The following MAPK10 variants were observed in gnomAD, a reference collection of about 807,000 sequenced individuals.
MAPK10 encodes the protein JNK3 alpha protein kinase.
In MAPK10, 25 loss-of-function variants were observed where a neutral mutation model predicts 59.3. The ratio of observed to expected loss-of-function variants is 0.42; its 90% CI spans 0.31 to 0.59. MAPK10 has a LOEUF of 0.59. Among genes scored for constraint, MAPK10 ranks in the 20% least tolerant of loss-of-function variants. MAPK10 has a pLI of 0.15. For missense variants in MAPK10, 351 were observed against 568.9 expected (o/e 0.62, Z 3.90); for synonymous variants, 190 against 200.5 (o/e 0.95, Z 0.44).
intron 2 of MAPK10, chr4:86,326,164 G>T (rs9994931): frequency 0.73 from 111,727 of 152,036 alleles, 41,569 homozygotes; most frequent in South Asian, 0.9. Context: ...TTAACAAGTA[G>T]AGAACATTCC....
intron 1 of MAPK10, among the ~76,000 whole-genome samples, chr4:86,401,283 A>G (rs1579075054): frequency 6.6e-6 from 1 of 152,142 alleles, no homozygotes. Flanking sequence ...ATATATTTCT[A>G]TTTCCTTTAT....
At chr4:86,213,847 G>C (rs564116062) in intron 2 of MAPK10, among the ~76,000 whole-genome samples, 2 of 151,972 alleles carry the variant, frequency 1.3e-5, no homozygotes, top group African/African-American at 4.8e-5. Context: ...TGAATAGGAG[G>C]GAACACTTAC....
intron 4 of MAPK10, among the ~76,000 whole-genome samples, chr4:86,108,084 A>C (rs934863801): frequency 6.6e-6 from 1 of 152,184 alleles, no homozygotes; most frequent in Admixed American, 6.5e-5. Flanking sequence ...AACAATAACA[A>C]AGCTCAAAAT....
intron 4 of MAPK10, among the ~76,000 whole-genome samples, chr4:86,120,978 A>G (rs2059144466): frequency 6.6e-6 from 1 of 152,230 alleles, no homozygotes; most frequent in African/African-American, 2.4e-5. Context: ...AAAACTACAT[A>G]TTTAATTAAA....
At chr4:86,374,117 T>C (rs1383024689) in intron 1 of MAPK10, among the ~76,000 whole-genome samples, 1 of 152,136 alleles carries the variant, frequency 6.6e-6, no homozygotes, top group Non-Finnish European at 1.5e-5. Flanking sequence ...GGGACATGGA[T>C]GAAGCTGGAA....
chr4:86,257,806 A>G (rs541691009), intron 2 of MAPK10, among the ~76,000 whole-genome samples: 1 of 152,062 alleles, frequency 6.6e-6, no homozygotes, highest in African/African-American at 2.4e-5. Context: ...TTTCCCTTTA[A>G]TCTCTCCATT....
intron 8 of MAPK10, 192 bp downstream of exon 8, chr4:86,100,860 C>T: frequency 2.0e-6 from 1 of 509,398 alleles, no homozygotes; most frequent in Non-Finnish European, 3.5e-6. Context: ...GCAAAACTGA[C>T]TTCTCAATAA....
At chr4:86,414,185 G>A (rs533361961) in intron 1 of MAPK10, among the ~76,000 whole-genome samples, 2 of 152,028 alleles carry the variant, frequency 1.3e-5, no homozygotes, top group South Asian at 4.2e-4. Context: ...CCTCATCCAT[G>A]ATATCCTAAC....
chr4:86,443,236 G>GA (rs760385391), intron 1 of MAPK10, among the ~76,000 whole-genome samples: 1,552 of 143,412 alleles, frequency 0.011, 29 homozygotes, highest in East Asian at 0.063. Flanking sequence ...AGTGAAAATG[G>GA]AAAAAAAAAA....
chr4:86,331,287 T>C (rs550608007), intron 2 of MAPK10, among the ~76,000 whole-genome samples: 1 of 152,146 alleles, frequency 6.6e-6, no homozygotes, highest in Admixed American at 6.5e-5. Flanking sequence ...GAGTAGAAAA[T>C]TCTGTACAAA....
chr4:86,299,732 C>A (rs1015893066), intron 2 of MAPK10, among the ~76,000 whole-genome samples: 1 of 152,084 alleles, frequency 6.6e-6, no homozygotes, highest in Non-Finnish European at 1.5e-5. Flanking sequence ...CTATATTATG[C>A]TATTTACAAA....
chr4:86,589,923 G>A (rs1466439053), intron 1 of MAPK10, among the ~76,000 whole-genome samples: 4 of 151,056 alleles, frequency 2.6e-5, no homozygotes, highest in African/African-American at 4.9e-5. Flanking sequence ...GGCAGAGCTT[G>A]CAGTGAGCCG....
intron 2 of MAPK10, among the ~76,000 whole-genome samples, chr4:86,233,603 C>T (rs531318017): frequency 1.3e-5 from 2 of 152,110 alleles, no homozygotes; most frequent in South Asian, 4.2e-4. Flanking sequence ...GGCTAGATTT[C>T]TCCTGACCAA....
intron 2 of MAPK10, among the ~76,000 whole-genome samples, chr4:86,333,025 G>A (rs6842671): frequency 6.6e-6 from 1 of 152,056 alleles, no homozygotes. Context: ...TACACAGGCT[G>A]CCCTCAAACT....
At chr4:86,462,875 C>T (rs185077622) in intron 1 of MAPK10, among the ~76,000 whole-genome samples, 20 of 152,244 alleles carry the variant, frequency 1.3e-4, no homozygotes, top group Admixed American at 5.9e-4. Flanking sequence ...GGAACTGCTT[C>T]AAGCAGAAAG....
chr4:86,026,297 A>G (rs1750183845), intron 13 of MAPK10: 1 of 152,200 alleles, frequency 6.6e-6, no homozygotes, highest in African/African-American at 2.4e-5. Flanking sequence ...GTACTATAAC[A>G]AATGCTTTTA....
intron 1 of MAPK10, chr4:86,358,326 G>A (rs1735571530): frequency 2.0e-6 from 2 of 985,368 alleles, no homozygotes; most frequent in South Asian, 4.7e-5. Flanking sequence ...GCCGATGAGG[G>A]ATAGAAGGAG....
At position 86,012,116 on chromosome 4, in the gene MAPK10, C is replaced by CCT. The variant is rs1741510994; in HGVS notation, c.*5111_*5112insAG. Reference sequence around the variant, plus strand: ...ACCTAATGCCCCCCCAAAAGATGATCTTTTTTTTCTTCATTGATTTTATAC... The same window carrying CCT: ...ACCTAATGCCCCCCCAAAAGATGATCCTTTTTTTTTCTTCATTGATTTTATAC... On this transcript the variant is annotated 3_prime_UTR_variant, in exon 14 of 14. Transcript: ENST00000641462. The CCT allele has an allele frequency of 6.6e-6, 1 of 151,998 alleles. No homozygotes were observed. Among genetic ancestry groups the CCT allele is most frequent in the Non-Finnish European group, 1.5e-5 (1 of 67,980 alleles). The allele number at this position is 151,998 out of a possible 1,614,324, so 9.4% of individuals were successfully genotyped here. A position where few individuals can be genotyped will look rare whatever the true frequency, so the allele number is the denominator to read the frequency against.
intron 1 of MAPK10, among the ~76,000 whole-genome samples, chr4:86,445,981 A>G (rs898612771): frequency 2.0e-5 from 3 of 152,166 alleles, no homozygotes; most frequent in Non-Finnish European, 2.9e-5. Flanking sequence ...AAAAATCTTA[A>G]TTTTTCTTAT....
Sources: allele counts gnomAD v4.1 joint callset (sites outside exome capture counted in the v4.1 genomes callset), GRCh38; gene constraint gnomAD v4.1.1; transcripts MANE v1.5; gene names NCBI Gene and HGNC (gene_info 2026-07-23, HGNC 2026-07-21).